CPNE4: variants seen among roughly 807,000 people sequenced by gnomAD.
CPNE4 encodes the protein copine-4.
In CPNE4, 25 loss-of-function variants were observed where a neutral mutation model predicts 67.9. The ratio of observed to expected loss-of-function variants is 0.37; its 90% CI spans 0.27 to 0.51. The LOEUF (loss-of-function observed/expected upper bound fraction) is 0.51, where lower values mean the gene tolerates loss of function less well. Ranked by LOEUF, CPNE4 falls within the 20% of genes least tolerant of loss-of-function variation. The pLI is 0.93. For missense variants in CPNE4, 464 were observed against 690.8 expected (o/e 0.67, Z 3.68); for synonymous variants, 242 against 244.9 (o/e 0.99, Z 0.11).
chr3:131,742,564 T>C (rs530260055), intron 2 of CPNE4, among the ~76,000 whole-genome samples: 9 of 152,278 alleles, frequency 5.9e-5, no homozygotes, highest in Admixed American at 2.6e-4. Context: ...AACACCCTCA[T>C]TGAGTGGGAG....
intron 7 of CPNE4, among the ~76,000 whole-genome samples, chr3:131,663,652 T>C (rs1582982721): frequency 1.3e-5 from 2 of 152,148 alleles, no homozygotes; most frequent in African/African-American, 4.8e-5. Context: ...ACTTTTCTGA[T>C]TGTCCAGGAA....
intron 1 of CPNE4, among the ~76,000 whole-genome samples, chr3:131,974,351 C>T (rs748730): frequency 0.17 from 26,429 of 152,128 alleles, 2,443 homozygotes; most frequent in Admixed American, 0.24. Context: ...TATGTATATA[C>T]GCATCTACAG....
At chr3:131,665,011 C>T (rs535427277) in intron 7 of CPNE4, among the ~76,000 whole-genome samples, 19 of 152,152 alleles carry the variant, frequency 1.2e-4, no homozygotes, top group Admixed American at 5.9e-4. Flanking sequence ...GTAATTAAGG[C>T]TCAGTAGACA....
intron 1 of CPNE4, among the ~76,000 whole-genome samples, chr3:131,920,593 A>G (rs942746066): frequency 6.6e-6 from 1 of 152,024 alleles, no homozygotes; most frequent in African/African-American, 2.4e-5. Flanking sequence ...AGTGGTTATT[A>G]TTTTGAAATT....
chr3:131,965,369 T>C (rs2072313474), intron 1 of CPNE4, among the ~76,000 whole-genome samples: 1 of 152,152 alleles, frequency 6.6e-6, no homozygotes, highest in Non-Finnish European at 1.5e-5. Context: ...AATTCACACA[T>C]AACAATATTA....
At chr3:131,763,836 A>G (rs1316130533) in intron 2 of CPNE4, among the ~76,000 whole-genome samples, 1 of 152,156 alleles carries the variant, frequency 6.6e-6, no homozygotes, top group Non-Finnish European at 1.5e-5. Flanking sequence ...CTAAAGCAGA[A>G]TTTTCTGTAA....
intron 7 of CPNE4, among the ~76,000 whole-genome samples, chr3:131,599,744 T>C (rs1354250): frequency 0.14 from 20,548 of 151,940 alleles, 1,939 homozygotes; most frequent in African/African-American, 0.26. Flanking sequence ...GAGGTGAAAG[T>C]ATGCTGGCAA....
intron 7 of CPNE4, among the ~76,000 whole-genome samples, chr3:131,647,647 C>T (rs1483801739): frequency 1.3e-5 from 2 of 152,128 alleles, no homozygotes; most frequent in Admixed American, 6.5e-5. Flanking sequence ...AGGTTTGAAT[C>T]TTGGTCCTGA....
intron 2 of CPNE4, among the ~76,000 whole-genome samples, chr3:131,770,901 A>C (rs78214386): frequency 6.6e-6 from 1 of 152,330 alleles, no homozygotes; most frequent in East Asian, 1.9e-4. Flanking sequence ...TGTGTGCCTG[A>C]AAAATATGGA....
intron 2 of CPNE4, among the ~76,000 whole-genome samples, chr3:131,864,639 A>G (rs2107677668): frequency 6.6e-6 from 1 of 152,032 alleles, no homozygotes; most frequent in East Asian, 2.0e-4. Flanking sequence ...ATATACAGTC[A>G]TGCCATCTGC....
intron 2 of CPNE4, among the ~76,000 whole-genome samples, chr3:131,818,949 A>T (rs2084852253): frequency 6.6e-6 from 1 of 152,082 alleles, no homozygotes; most frequent in African/African-American, 2.4e-5. Flanking sequence ...AAAATACAAA[A>T]ATTAGCCAGG....
chr3:131,996,316 A>T (rs932551063), intron 1 of CPNE4, among the ~76,000 whole-genome samples: 20 of 152,112 alleles, frequency 1.3e-4, no homozygotes, highest in Non-Finnish European at 2.9e-5. Context: ...AAAGAAGAGA[A>T]CCAGGGGAGA....
intron 2 of CPNE4, among the ~76,000 whole-genome samples, chr3:131,728,693 G>A (rs1254584428): frequency 6.6e-6 from 1 of 151,834 alleles, no homozygotes; most frequent in African/African-American, 2.4e-5. Context: ...GGCGGATCAC[G>A]AGGTCAGGAG....
At chr3:131,911,415 A>G (rs1204930389) in intron 1 of CPNE4, among the ~76,000 whole-genome samples, 1 of 152,216 alleles carries the variant, frequency 6.6e-6, no homozygotes, top group Non-Finnish European at 1.5e-5. Context: ...AACCTGCAAC[A>G]GTATTTCTGA....
intron 1 of CPNE4, among the ~76,000 whole-genome samples, chr3:131,973,978 G>A (rs72992890): frequency 0.066 from 10,108 of 152,164 alleles, 1,044 homozygotes; most frequent in African/African-American, 0.23. Flanking sequence ...ATCCCAAACT[G>A]CAGTCCCAGA....
At chr3:131,885,006 A>C (rs969433410) in intron 2 of CPNE4, among the ~76,000 whole-genome samples, 5 of 152,190 alleles carry the variant, frequency 3.3e-5, no homozygotes, top group Admixed American at 6.5e-5. Flanking sequence ...AAAGATACCC[A>C]AAAATATGGA....
chr3:131,554,584 T>G (rs1353522875), intron 12 of CPNE4, among the ~76,000 whole-genome samples: 1 of 152,044 alleles, frequency 6.6e-6, no homozygotes, highest in African/African-American at 2.4e-5. Context: ...CATCCACTAT[T>G]CACTCTAGGA....
chr3:131,713,636 A>C (rs11708688), intron 3 of CPNE4, among the ~76,000 whole-genome samples: 14,482 of 152,244 alleles, frequency 0.095, 839 homozygotes, highest in Non-Finnish European at 0.12. Context: ...GCCCAAGGCC[A>C]TACAGAGAGT....
chr3:131,598,502 C>T (rs988743808), intron 7 of CPNE4, among the ~76,000 whole-genome samples: 4 of 152,120 alleles, frequency 2.6e-5, no homozygotes, highest in Non-Finnish European at 4.4e-5. Flanking sequence ...TTTATTGTCT[C>T]GTGGTGATCC....
Sources: allele counts gnomAD v4.1 joint callset (sites outside exome capture counted in the v4.1 genomes callset), GRCh38; gene constraint gnomAD v4.1.1; transcripts MANE v1.5; gene names NCBI Gene and HGNC (gene_info 2026-07-23, HGNC 2026-07-21).